The following LIPE variants were observed in gnomAD, a reference collection of about 807,000 sequenced individuals.
LIPE encodes lipase E, hormone sensitive type.
LIPE carries 66 observed loss-of-function variants against 88.5 expected under a neutral mutation model. That is an observed-to-expected ratio of 0.75 (90% CI 0.61 to 0.91). LIPE has a LOEUF of 0.91. Among genes scored for constraint, LIPE ranks in the 40% least tolerant of loss-of-function variants. The pLI is 0.00. For synonymous variants in LIPE, 570 were observed against 617.5 expected (o/e 0.92, Z 1.14); for missense variants, 1,346 against 1,434.7 (o/e 0.94, Z 1.00).
At chr19:42,423,643 C>G in intron 1 of LIPE, 1 of 1,168,356 alleles carries the variant, frequency 8.6e-7, no homozygotes, top group African/African-American at 1.6e-5. Context: ...TACCCAATCC[C>G]GAGCTTGCTC....
At position 42,406,262 on chromosome 19, in the gene LIPE, G is replaced by A. The variant is rs2147593801; in HGVS notation, c.2264C>T (p.Ala755Val). Reference protein sequence around the residue: ...VPDGIMAAYPATMLQPAASPS... With the variant: ...VPDGIMAAYPVTMLQPAASPS... ...AGAGGCGGCAGGCTGCAGCATTGTG[G>A]CCGGGTAGGCTGCCATGATGCCATC... The change falls in exon 7 of 10, where the codon GCC (alanine) becomes GTC (valine). Residue 755 changes from alanine to valine, a missense_variant. By Grantham distance (64) the Ala-to-Val change is moderately conservative. Coordinates refer to ENST00000244289, the MANE Select transcript of LIPE (RefSeq NM_005357.4). This position sits in a 1 kb window ranked among gnomAD's most constrained non-coding sequence, Gnocchi z 5.7. 1 of 1,613,930 alleles carries A rather than the reference G, an allele frequency of 6.2e-7. No homozygotes were observed. The highest frequency in any genetic ancestry group is 8.5e-7 in the Non-Finnish European group (1 of 1,179,928).
chr19:42,421,660 C>T (rs1555791258), intron 1 of LIPE, among the ~76,000 whole-genome samples: 2 of 152,260 alleles, frequency 1.3e-5, no homozygotes, highest in Non-Finnish European at 2.9e-5. Context: ...GCAGCCATCT[C>T]TTTGCCCTCA....
At position 42,414,515 on chromosome 19, in the gene LIPE, T is replaced by G. The variant is rs1242463015; in HGVS notation, c.884-3673A>C. On this transcript the variant is annotated intron_variant, in intron 1 of 9. Coordinates refer to ENST00000244289, the MANE Select transcript of LIPE (RefSeq NM_005357.4). The surrounding 1 kb of genome is among the most constrained non-coding windows in gnomAD (Gnocchi z 4.6). ...GGCTCACTTGGCCTTCCTGAGATGG[T>G]GTATTGGGTGATTTTTCTCTGCGGC... 6.6e-6 allele frequency among the ~76,000 whole-genome samples: 1 copy of G among 152,154 alleles called. No homozygotes were observed. The highest frequency in any genetic ancestry group is 6.5e-5 in the Admixed American group (1 of 15,272).
intron 1 of LIPE, chr19:42,424,298 C>G (rs2040665129): frequency 2.2e-6 from 1 of 463,780 alleles, no homozygotes; most frequent in African/African-American, 2.0e-5. Context: ...ACGACGCATG[C>G]TTGAGAAATG....
At chr19:42,426,169 G>T in intron 1 of LIPE, 98 bp downstream of exon 1, 8 of 663,580 alleles carry the variant, frequency 1.2e-5, no homozygotes, top group Non-Finnish European at 1.6e-5. Context: ...GTTGAAGGAT[G>T]ACCAGAGCTA....
At chr19:42,418,137 C>T (rs1317507185) in intron 1 of LIPE, among the ~76,000 whole-genome samples, 2 of 152,192 alleles carry the variant, frequency 1.3e-5, no homozygotes, top group East Asian at 1.9e-4. Flanking sequence ...TGCCTGCCAC[C>T]GCGCCTGGTT....
chr19:42,427,330 G>T lies in LIPE; in HGVS notation c.-181C>A. On this transcript the variant is annotated 5_prime_UTR_variant, in exon 1 of 10. The change creates a new upstream start codon in the 5' untranslated region. Coordinates refer to ENST00000244289, the MANE Select transcript of LIPE (RefSeq NM_005357.4). ...GGCAGCTGGCAGTTGGCCGATCACA[G>T]CTGGCCCCCACTAAGTAATGAACTC... The T allele has an allele frequency of 8.4e-7, 1 of 1,189,612 alleles. No homozygotes were observed. Among genetic ancestry groups the T allele is most frequent in the Non-Finnish European group, 1.1e-6 (1 of 891,728 alleles). 73.7% of individuals were successfully genotyped at this position (1,189,612 alleles called of 1,614,324 possible). A position where few individuals can be genotyped will look rare whatever the true frequency, so the allele number is the denominator to read the frequency against.
At chr19:42,404,768 C>T (rs2147579891) in intron 8 of LIPE, among the ~76,000 whole-genome samples, 1 of 152,358 alleles carries the variant, frequency 6.6e-6, no homozygotes, top group East Asian at 1.9e-4. Context: ...ATGGACACAC[C>T]AGGGGTGCTG....
At chr19:42,417,542 A>G (rs1215194394) in intron 1 of LIPE, among the ~76,000 whole-genome samples, 1 of 151,862 alleles carries the variant, frequency 6.6e-6, no homozygotes, top group Non-Finnish European at 1.5e-5. Flanking sequence ...TGGGAGAGTC[A>G]CTGCATCTGG....
Position 42,401,876 on chromosome 19 carries a change from C to T in LIPE, c.3167G>A (p.Gly1056Glu). Residue 1056 changes from glycine to glutamate, a missense_variant, in exon 10 of 10, where the codon GGA (glycine) becomes GAA (glutamate). Coordinates refer to ENST00000244289, the MANE Select transcript of LIPE (RefSeq NM_005357.4). ...CCCCGTCTCCCCGCTCGGCCCGGCT[C>T]CGGCGGGAGGAGTGAGGACGAGGCG... is the stretch of plus-strand genomic sequence containing the variant. Reference protein sequence around the residue: ...RIRLVLTPPAGAGPSGETGAA... With the variant: ...RIRLVLTPPAEAGPSGETGAA... 6.5e-7 allele frequency: 1 copy of T among 1,534,778 alleles called. No individual in the cohort carries two copies. Among genetic ancestry groups the T allele is most frequent in the African/African-American group, 1.4e-5 (1 of 71,824 alleles).
Position 42,406,562 on chromosome 19 carries a change from C to T in LIPE, c.2138-174G>A, listed in dbSNP as rs1229157329. On this transcript the variant is annotated intron_variant, in intron 6 of 9. Coordinates refer to ENST00000244289, the MANE Select transcript of LIPE (RefSeq NM_005357.4). This position sits in a 1 kb window ranked among gnomAD's most constrained non-coding sequence, Gnocchi z 5.7. ...TGGCAGACTGAGGCACAGATTTGGG[C>T]TCATGTGGTAGACAGAGGGTCAGGA... Among the ~76,000 whole-genome samples the T allele has an allele frequency of 4.6e-5, 7 of 152,184 alleles. No individual in the cohort carries two copies. Among genetic ancestry groups the T allele is most frequent in the Non-Finnish European group, 1.0e-4 (7 of 68,032 alleles).
chr19:42,411,470 G>T, intron 1 of LIPE: 1 of 232,320 alleles, frequency 4.3e-6, no homozygotes, highest in Non-Finnish European at 7.1e-6. Context: ...GGCCCCAAGT[G>T]CTACCCATAG....
rs2040198573 is a variant in LIPE, at chr19:42,406,783, T to G, written c.2137+391A>C. 6.6e-6 allele frequency among the ~76,000 whole-genome samples: 1 copy of G among 152,124 alleles called. No homozygotes were observed. The highest frequency in any genetic ancestry group is 6.5e-5 in the Admixed American group (1 of 15,292). ...GGGCTGGGCTGCAAGCTCTGTGCCCTGGGGCATGGCCACACTCTGCTCTGT... is the reference window on the plus strand; with the variant it reads ...GGGCTGGGCTGCAAGCTCTGTGCCCGGGGGCATGGCCACACTCTGCTCTGT... On this transcript the variant is annotated intron_variant, in intron 6 of 9. Coordinates refer to ENST00000244289, the MANE Select transcript of LIPE (RefSeq NM_005357.4). This position sits in a 1 kb window ranked among gnomAD's most constrained non-coding sequence, Gnocchi z 5.7.
chr19:42,412,446 C>A, intron 1 of LIPE: 1 of 986,052 alleles, frequency 1.0e-6, no homozygotes, highest in Non-Finnish European at 1.2e-6. Flanking sequence ...GGGCAATAAA[C>A]CCGGGGGCGG....
Position 42,412,679 on chromosome 19 carries a change from C to T in LIPE, c.884-1837G>A, listed in dbSNP as rs1027777773. ...CCCTCAGACCCAGGAGTCCAGGCCC[C>T]CAGCCCCTTCATCCTTTAGGACCCA... On this transcript the variant is annotated intron_variant, in intron 1 of 9. Coordinates refer to ENST00000244289, the MANE Select transcript of LIPE (RefSeq NM_005357.4). 5 of 504,806 alleles carry T rather than the reference C, an allele frequency of 9.9e-6. No individual in the cohort carries two copies. In the Admixed American group the frequency reaches 3.2e-4, roughly 32 times the overall value. The allele number at this position is 504,806 out of a possible 1,614,324, so 31.3% of individuals were successfully genotyped here.
chr19:42,402,127 G>C (rs779612199), intron 9 of LIPE, 52 bp from the exon 10 acceptor site: 3 of 1,412,466 alleles, frequency 2.1e-6, no homozygotes, highest in Non-Finnish European at 2.8e-6. Flanking sequence ...CAGACAGACC[G>C]GGGTCGGGTA....
chr19:42,426,704 G>C lies in LIPE; in HGVS notation c.446C>G (p.Ala149Gly), dbSNP rs772274493. The change falls in exon 1 of 10, where the codon GCT (alanine) becomes GGT (glycine). Residue 149 changes from alanine to glycine, a missense_variant. Transcript: ENST00000244289. ...AGGTGTTGATTCAGCTTCTTGTTGA[G>C]CTGGAGGTGGCTCTCCTGGCCCAGG... ...PGPGPGEPPP[A>G]QQEAESTPAA... The C allele has an allele frequency of 1.9e-6, 3 of 1,614,198 alleles. No individual in the cohort carries two copies. The South Asian group carries it at 3.3e-5, about 18-fold the overall frequency.
intron 1 of LIPE, among the ~76,000 whole-genome samples, chr19:42,418,216 T>G (rs2040528428): frequency 6.6e-6 from 1 of 152,090 alleles, no homozygotes; most frequent in African/African-American, 2.4e-5. Flanking sequence ...CTCCTGACCT[T>G]GGGTGATTTG....
At position 42,410,572 on chromosome 19, in the gene LIPE, G is replaced by A. The variant is rs1213765784; in HGVS notation, c.1154C>T (p.Ala385Val). The A allele has an allele frequency of 5.0e-6, 8 of 1,612,908 alleles. No individual in the cohort carries two copies. The highest frequency in any genetic ancestry group is 1.7e-5 in the Admixed American group (1 of 60,012). ...ATAGCGGGATTTGTGCAGGAGGTGC[G>A]CCAGGCAGCAGCGGGCTGTGTGCAC... ...SLVHTARCCL[A>V]HLLHKSRYVA... is the part of the protein sequence containing the mutation. The change falls in exon 2 of 10, where the codon GCG becomes GTG. Residue 385 changes from alanine to valine, a missense_variant. By Grantham distance (64) the Ala-to-Val change is moderately conservative. Transcript: ENST00000244289. The surrounding 1 kb of genome is among the most constrained non-coding windows in gnomAD (Gnocchi z 6.1).
Sources: gnomAD v4.1 joint callset for allele counts (sites outside exome capture counted in the v4.1 genomes callset) on GRCh38, gnomAD v4.1.1 for gene constraint, Gnocchi (gnomAD v3.1) non-coding constraint, MANE v1.5 for transcripts, NCBI Gene and HGNC (gene_info 2026-07-23, HGNC 2026-07-21) for gene names.